The following ADAM17 variants were observed in gnomAD, a reference collection of about 807,000 sequenced individuals.
The protein encoded by ADAM17 is disintegrin and metalloproteinase domain-containing protein 17.
In ADAM17, 39 loss-of-function variants were observed where a neutral mutation model predicts 96.7. The ratio of observed to expected loss-of-function variants is 0.40; its 90% CI spans 0.31 to 0.53. The LOEUF is 0.53. ADAM17 is among the 20% of genes least tolerant of loss of function. The pLI, the probability that ADAM17 is intolerant of heterozygous loss-of-function variation, is 0.44. For synonymous variants in ADAM17, 344 were observed against 359.2 expected (o/e 0.96, Z 0.48); for missense variants, 777 against 1,013.2 (o/e 0.77, Z 3.17).
intron 16 of ADAM17, among the ~76,000 whole-genome samples, 169 bp from the exon 17 acceptor site, chr2:9,493,155 C>A (rs1185492875): frequency 6.6e-6 from 1 of 152,050 alleles, no homozygotes; most frequent in Non-Finnish European, 1.5e-5. Flanking sequence ...TCTCTCCATA[C>A]CAAGTGCTTT....
Position 9,519,197 on chromosome 2 carries a change from C to A in ADAM17, c.958-950G>T, listed in dbSNP as rs544402766. On this transcript the variant is annotated intron_variant, in intron 8 of 18. Coordinates refer to ENST00000310823, the MANE Select transcript of ADAM17 (RefSeq NM_003183.6). ...TACAGGCATGAACCACCATGCCTAG[C>A]CAAAACCCTCAATGTTTAAAATGCT... 2.4e-4 allele frequency among the ~76,000 whole-genome samples: 37 copies of A among 152,218 alleles called. 1 individual carries two copies. Among genetic ancestry groups the A allele is most frequent in the Admixed American group, 1.1e-3 (17 of 15,294 alleles).
chr2:9,536,561 C>CAAAAAAAAAAAAAAAAAAAAA, intron 3 of ADAM17, 137 bp downstream of exon 3: 1 of 1,200,712 alleles, frequency 8.3e-7, no homozygotes, highest in Non-Finnish European at 1.1e-6. Flanking sequence ...TTATATACCT[C>CAAAAAAAAAAAAAAAAAAAAA]AAAGAAAAGT....
At chr2:9,520,617 T>C (rs1476289581) in intron 8 of ADAM17, among the ~76,000 whole-genome samples, 1 of 152,134 alleles carries the variant, frequency 6.6e-6, no homozygotes, top group Non-Finnish European at 1.5e-5. Context: ...TGTTATTTTC[T>C]AGAGAAGATC....
rs1394882210 is a variant in ADAM17 at position 9,511,294 on chromosome 2, CA to C, written c.1192-1164del. Among the ~76,000 whole-genome samples the C allele has an allele frequency of 7.2e-5, 11 of 151,966 alleles. No homozygotes were observed. In the East Asian group the frequency reaches 1.8e-3, roughly 24 times the overall value. ...TAAAACCCCATCTCTACTAAAAATA[CA>C]AAAAATTAGCTGGGTGTGGTGGCGC... On this transcript the variant is annotated intron_variant, in intron 10 of 18. Transcript: ENST00000310823.
intron 1 of ADAM17, among the ~76,000 whole-genome samples, chr2:9,544,736 G>A (rs1240411751): frequency 6.6e-6 from 1 of 151,728 alleles, no homozygotes; most frequent in African/African-American, 2.4e-5. Flanking sequence ...TGAGGCAGAA[G>A]AATCGCTTGA....
chr2:9,503,836 T>G (rs1663186891), intron 12 of ADAM17, among the ~76,000 whole-genome samples: 2 of 70,392 alleles, frequency 2.8e-5, no homozygotes, highest in Admixed American at 1.2e-4. Flanking sequence ...AGACTCCGTC[T>G]CAAAAAAAAA....
chr2:9,510,274 T>C, intron 10 of ADAM17, 143 bp from the exon 11 acceptor site: 2 of 938,052 alleles, frequency 2.1e-6, no homozygotes, highest in Non-Finnish European at 3.1e-6. Context: ...ATACCAGCAC[T>C]TTAGGAGGCT....
chr2:9,533,563 T>C (rs1326337408), intron 4 of ADAM17, among the ~76,000 whole-genome samples: 1 of 152,082 alleles, frequency 6.6e-6, no homozygotes, highest in Non-Finnish European at 1.5e-5. Context: ...CAAAAAAGAA[T>C]AAATTATTCT....
intron 1 of ADAM17, among the ~76,000 whole-genome samples, chr2:9,550,347 G>C (rs924385924): frequency 3.3e-5 from 5 of 151,926 alleles, no homozygotes; most frequent in South Asian, 4.1e-4. Context: ...CCAGTAACCA[G>C]GATGCAAGTT....
chr2:9,537,229 G>C (rs1664992629), intron 2 of ADAM17, among the ~76,000 whole-genome samples: 2 of 152,118 alleles, frequency 1.3e-5, no homozygotes, highest in Non-Finnish European at 2.9e-5. Flanking sequence ...TAGGTACTAT[G>C]CATCTATTAT....
Position 9,547,251 on chromosome 2 carries a change from T to C in ADAM17, c.98-3966A>G, listed in dbSNP as rs1292057668. ...TTTTTCTCTTTTCCACCAGACTCCATTTACTTGATTATTTAACAAATATTT... is the reference window on the plus strand; with the variant it reads ...TTTTTCTCTTTTCCACCAGACTCCACTTACTTGATTATTTAACAAATATTT... On this transcript the variant is annotated intron_variant, in intron 1 of 18. Coordinates refer to ENST00000310823, the MANE Select transcript of ADAM17 (RefSeq NM_003183.6). Among the ~76,000 whole-genome samples the C allele has an allele frequency of 2.6e-5, 4 of 152,214 alleles. No homozygotes were observed. The East Asian group carries it at 7.7e-4, about 29-fold the overall frequency.
rs1029063197 is a variant in ADAM17 at position 9,489,635 on chromosome 2, T to G, written c.*542A>C. On this transcript the variant is annotated 3_prime_UTR_variant, in exon 19 of 19. Coordinates refer to ENST00000310823, the MANE Select transcript of ADAM17 (RefSeq NM_003183.6). ...AAATTTAGATATATATTTTCCCTGCTACATAAAAACTCTGGGTAATAACTA... is the reference window on the plus strand; with the variant it reads ...AAATTTAGATATATATTTTCCCTGCGACATAAAAACTCTGGGTAATAACTA... The G allele has an allele frequency of 6.8e-6, 1 of 146,248 alleles. No homozygotes were observed. Among genetic ancestry groups the G allele is most frequent in the East Asian group, 2.1e-4 (1 of 4,828 alleles). 9.1% of individuals were successfully genotyped at this position (146,248 alleles called of 1,614,324 possible).
chr2:9,501,618 T>C (rs1195487077), intron 13 of ADAM17, among the ~76,000 whole-genome samples: 1 of 152,170 alleles, frequency 6.6e-6, no homozygotes, highest in African/African-American at 2.4e-5. Context: ...TAGATACATA[T>C]AGAAAAACTG....
intron 1 of ADAM17, among the ~76,000 whole-genome samples, chr2:9,544,796 A>G (rs1232199961): frequency 6.6e-6 from 1 of 151,854 alleles, no homozygotes; most frequent in African/African-American, 2.4e-5. Context: ...ACTGCACTCC[A>G]GCCTGGCGAC....
intron 2 of ADAM17, among the ~76,000 whole-genome samples, chr2:9,537,883 AGGGGAGGGGAGGGGAGGGGAGGAGAG>A (rs1665030401): frequency 1.6e-5 from 1 of 63,284 alleles, no homozygotes. Context: ...AAAAGAGGGG[AGGGGAGGGGAGGGGAGGGGAGGAGAG>A]GGGGAGGAGA....
chr2:9,549,973 T>C (rs1665531195), intron 1 of ADAM17, among the ~76,000 whole-genome samples: 1 of 152,154 alleles, frequency 6.6e-6, no homozygotes, highest in South Asian at 2.1e-4. Context: ...AATGACACTA[T>C]CAATGTCATG....
At chr2:9,546,559 A>G (rs1665409554) in intron 1 of ADAM17, among the ~76,000 whole-genome samples, 1 of 152,174 alleles carries the variant, frequency 6.6e-6, no homozygotes, top group East Asian at 1.9e-4. Context: ...AACAGAATTT[A>G]TATTTCTCCC....
At position 9,518,007 on chromosome 2, in the gene ADAM17, CAGAGAT is replaced by C; in HGVS notation, c.1103-24_1103-19del. ...ATAATAAGCTAAAGTCAAAAGGAAACAGAGATAAATTGCTTATTAAATACAGAATTA... is the reference window on the plus strand; with the variant it reads ...ATAATAAGCTAAAGTCAAAAGGAAACAAATTGCTTATTAAATACAGAATTA... On this transcript the variant is annotated intron_variant, in intron 9 of 18. Coordinates refer to ENST00000310823, the MANE Select transcript of ADAM17 (RefSeq NM_003183.6). 6.3e-7 allele frequency: 1 copy of C among 1,584,714 alleles called. No homozygotes were observed. The highest frequency in any genetic ancestry group is 8.6e-7 in the Non-Finnish European group (1 of 1,169,446).
chr2:9,537,890 G>A (rs112949278), intron 2 of ADAM17, among the ~76,000 whole-genome samples: 67 of 77,972 alleles, frequency 8.6e-4, no homozygotes, highest in African/African-American at 2.9e-3. Flanking sequence ...GGGAGGGGAG[G>A]GGAGGGGAGG....
Sources: allele counts gnomAD v4.1 joint callset (sites outside exome capture counted in the v4.1 genomes callset), GRCh38; gene constraint gnomAD v4.1.1; transcripts MANE v1.5; gene names NCBI Gene and HGNC (gene_info 2026-07-23, HGNC 2026-07-21).